The following NDUFS1 variants were observed in gnomAD, a reference collection of about 807,000 sequenced individuals.
NDUFS1 encodes the protein NADH-ubiquinone oxidoreductase 75 kDa subunit, mitochondrial.
NDUFS1 carries 61 observed loss-of-function variants against 84.4 expected under a neutral mutation model. The ratio of observed to expected loss-of-function variants is 0.72; its 90% CI spans 0.59 to 0.89. The LOEUF (loss-of-function observed/expected upper bound fraction) is 0.89, where lower values mean the gene tolerates loss of function less well. NDUFS1 is among the 40% of genes least tolerant of loss of function. The pLI is 0.00. For synonymous variants in NDUFS1, 275 were observed against 290.0 expected, an observed-to-expected ratio of 0.95 and a Z score of 0.53; for missense variants, 891 against 890.0, an observed-to-expected ratio of 1.00 and a Z score of -0.01.
At chr2:206,153,725 C>A (rs777223050) in intron 1 of NDUFS1, 43 bp from the exon 2 acceptor site, 2 of 1,037,256 alleles carry the variant, frequency 1.9e-6, no homozygotes, top group East Asian at 2.4e-5. Flanking sequence ...GGGAAAAAAA[C>A]AATCACCAAC....
rs781249832 is a variant in NDUFS1 at position 206,138,531 on chromosome 2, G to A, written c.1346C>T (p.Pro449Leu). 5.0e-6 allele frequency: 8 copies of A among 1,613,956 alleles called. No homozygotes were observed. In the Admixed American group the frequency reaches 1.3e-4, roughly 27 times the overall value. Residue 449 changes from proline to leucine, a missense_variant, in exon 13 of 19, where the codon CCC becomes CTC. Pro to Leu is a moderately conservative substitution (Grantham distance 98). Coordinates refer to ENST00000233190, the MANE Select transcript of NDUFS1 (RefSeq NM_005006.7). ...TYTYDHLGDS[P>L]KILQDIASGS... ...CGAAGCAATGTCTTGAAGAATTTTG[G>A]GGGAGTCTCCCAGGTGGTCATATGT...
At chr2:206,145,875 G>A (rs964248485) in intron 8 of NDUFS1, among the ~76,000 whole-genome samples, 3 of 152,098 alleles carry the variant, frequency 2.0e-5, no homozygotes, top group Non-Finnish European at 4.4e-5. Flanking sequence ...GGAGGTCATC[G>A]TAGCTGAGGA....
At chr2:206,143,951 C>CCT (rs1553505995) in intron 10 of NDUFS1, 67 bp downstream of exon 10, 20 of 1,296,040 alleles carry the variant, frequency 1.5e-5, no homozygotes, top group African/African-American at 2.9e-5. Flanking sequence ...TACATCCCCC[C>CCT]CTTCATGGCA....
rs1382240568 is a variant in NDUFS1 at position 206,116,271 on chromosome 2, T to C, written c.*7914A>G. 2.0e-6 allele frequency: 2 copies of C among 998,896 alleles called. No homozygotes were observed. The highest frequency in any genetic ancestry group is 3.2e-6 in the Non-Finnish European group (2 of 617,778). 61.9% of individuals were successfully genotyped at this position (998,896 alleles called of 1,614,324 possible). On this transcript the variant is annotated 3_prime_UTR_variant, in exon 19 of 19. Coordinates refer to ENST00000233190, the MANE Select transcript of NDUFS1 (RefSeq NM_005006.7). ...TCTGCAAGAGCTTCATTAATTTCGG[T>C]TACTTCTCCTGATAAAGGAGAATAG... is the stretch of plus-strand genomic sequence containing the variant.
In NDUFS1 at chr2:206,149,884, A is replaced by G. The variant is rs999038863; in HGVS notation, c.195T>C (p.Tyr65=). 6.2e-6 allele frequency: 10 copies of G among 1,603,548 alleles called. No individual in the cohort carries two copies. Among genetic ancestry groups the G allele is most frequent in the African/African-American group, 1.4e-5 (1 of 73,288 alleles). The change falls in exon 4 of 19, where the codon TAT becomes TAC. Residue 65 remains tyrosine, a synonymous_variant. Coordinates refer to ENST00000233190, the MANE Select transcript of NDUFS1 (RefSeq NM_005006.7). ...KVGMQIPRFC[Y]HERLSVAGNC... ...TTCCAGCAACAGACAACCTTTCATG[A>G]TAACAGAATCGAGGGATCTGCATGC...
At chr2:206,144,846 C>T in intron 9 of NDUFS1, 46 bp downstream of exon 9, 1 of 1,575,566 alleles carries the variant, frequency 6.3e-7, no homozygotes, top group Non-Finnish European at 8.7e-7. Context: ...TATAAAATTT[C>T]CTTTAAATAA....
At chr2:206,141,907 TA>T (rs1691975784) in intron 12 of NDUFS1, 33 bp downstream of exon 12, 4 of 1,572,244 alleles carry the variant, frequency 2.5e-6, no homozygotes, top group Non-Finnish European at 3.5e-6. Flanking sequence ...ATTACATAAA[TA>T]TTTTTAAACC....
Position 206,124,078 on chromosome 2 carries a change from T to C in NDUFS1, c.*107A>G, listed in dbSNP as rs1293217903. On this transcript the variant is annotated 3_prime_UTR_variant, in exon 19 of 19. Coordinates refer to ENST00000233190, the MANE Select transcript of NDUFS1 (RefSeq NM_005006.7). ...AGTATAACCTTAAATATTACATGAT[T>C]CAAATTATTATTATTTTTTTTTACA... 1 of 777,156 alleles carries C rather than the reference T, an allele frequency of 1.3e-6. No homozygotes were observed. The highest frequency in any genetic ancestry group is 2.7e-5 in the East Asian group (1 of 37,210). The allele number at this position is 777,156 out of a possible 1,614,324, so 48.1% of individuals were successfully genotyped here. A position where few individuals can be genotyped will look rare whatever the true frequency, so the allele number is the denominator to read the frequency against.
chr2:206,124,192 AT>A lies in NDUFS1; in HGVS notation c.2176del (p.Ile726TyrfsTer20). 1 of 1,607,264 alleles carries A rather than the reference AT, an allele frequency of 6.2e-7. No homozygotes were observed. Among genetic ancestry groups the A allele is most frequent in the Non-Finnish European group, 8.5e-7 (1 of 1,173,764 alleles). On this transcript the variant is annotated frameshift_variant, in exon 19 of 19. Coordinates refer to ENST00000233190, the MANE Select transcript of NDUFS1 (RefSeq NM_005006.7). LOFTEE classifies it high-confidence loss of function. Reference sequence around the variant, plus strand: ...GGGATCCTAGTAGAAGCTTCAGCATATGGATGGTTCCTCTACTGCCTGGGCA... The same window carrying A: ...GGGATCCTAGTAGAAGCTTCAGCATAGGATGGTTCCTCTACTGCCTGGGCA... ...EGAQAVEEPS[I>X]C
At position 206,122,638 on chromosome 2, in the gene NDUFS1, A is replaced by AAAAAAAAAAAC. The variant is rs1691134865; in HGVS notation, c.*1546_*1547insGTTTTTTTTTT. ...GAGTAAGACTCCATCTCAAAAAAAA[A>AAAAAAAAAAAC]AAAAAAACAAAGGGAAAAAGGGCAT... On this transcript the variant is annotated 3_prime_UTR_variant, in exon 19 of 19. Coordinates refer to ENST00000233190, the MANE Select transcript of NDUFS1 (RefSeq NM_005006.7). The AAAAAAAAAAAC allele has an allele frequency of 6.6e-6, 1 of 151,510 alleles. No individual in the cohort carries two copies. The highest frequency in any genetic ancestry group is 2.4e-5 in the African/African-American group (1 of 41,114). The allele number at this position is 151,510 out of a possible 1,614,324, so 9.4% of individuals were successfully genotyped here.
At chr2:206,127,998 C>T (rs557144593) in intron 15 of NDUFS1, 26 bp from the exon 16 acceptor site, 23 of 1,611,988 alleles carry the variant, frequency 1.4e-5, no homozygotes, top group South Asian at 8.8e-5. Flanking sequence ...AAATGGTAAA[C>T]CAAAATTTTA....
intron 2 of NDUFS1, 25 bp from the exon 3 acceptor site, chr2:206,152,535 A>G (rs756820097): frequency 2.5e-6 from 4 of 1,593,738 alleles, no homozygotes; most frequent in Non-Finnish European, 3.4e-6. Context: ...TATTGAAGCG[A>G]AAAACAGATT....
At position 206,121,939 on chromosome 2, in the gene NDUFS1, T is replaced by G. The variant is rs1417788538; in HGVS notation, c.*2246A>C. 1 of 152,212 alleles carries G rather than the reference T, an allele frequency of 6.6e-6. No individual in the cohort carries two copies. The highest frequency in any genetic ancestry group is 6.5e-5 in the Admixed American group (1 of 15,272). The allele number at this position is 152,212 out of a possible 1,614,324, so 9.4% of individuals were successfully genotyped here. A position where few individuals can be genotyped will look rare whatever the true frequency, so the allele number is the denominator to read the frequency against. Reference sequence around the variant, plus strand: ...TATATAAAATACAAAATTGGGACTATGTCCCCTCAAGATGAGCACAGTGCT... The same window carrying G: ...TATATAAAATACAAAATTGGGACTAGGTCCCCTCAAGATGAGCACAGTGCT... On this transcript the variant is annotated 3_prime_UTR_variant, in exon 19 of 19. Coordinates refer to ENST00000233190, the MANE Select transcript of NDUFS1 (RefSeq NM_005006.7).
chr2:206,137,464 G>A (rs1691762994), intron 13 of NDUFS1, among the ~76,000 whole-genome samples: 1 of 151,194 alleles, frequency 6.6e-6, no homozygotes, highest in Non-Finnish European at 1.5e-5. Context: ...GCGAGACTTC[G>A]TCTCCCCGCC....
intron 15 of NDUFS1, among the ~76,000 whole-genome samples, chr2:206,128,358 G>C (rs567027202): frequency 5.3e-5 from 8 of 151,732 alleles, no homozygotes; most frequent in Admixed American, 3.9e-4. Flanking sequence ...GTAGAGACAG[G>C]GTTTCACCGT....
In NDUFS1 at chr2:206,138,487, G is replaced by C. The variant is rs147663258; in HGVS notation, c.1390C>G (p.Gln464Glu). The change falls in exon 13 of 19, where the codon CAG becomes GAG. Residue 464 changes from glutamine to glutamate, a missense_variant and splice_region_variant. Coordinates refer to ENST00000233190, the MANE Select transcript of NDUFS1 (RefSeq NM_005006.7). ...DIASGSHPFSQVLKEAKKPMV... is the reference protein window; with the variant it reads ...DIASGSHPFSEVLKEAKKPMV... ...AGATACACATAAGTTGAGAGCACCT[G>C]GCTAAATGGATGGCTTCCCGAAGCA... is the stretch of plus-strand genomic sequence containing the variant. 4.3e-6 allele frequency: 7 copies of C among 1,613,766 alleles called. No homozygotes were observed. Among genetic ancestry groups the C allele is most frequent in the African/African-American group, 4.0e-5 (3 of 74,922 alleles).
At chr2:206,126,440 A>C (rs1468567389) in intron 18 of NDUFS1, 99 bp downstream of exon 18, 46 of 1,085,410 alleles carry the variant, frequency 4.2e-5, no homozygotes, top group Non-Finnish European at 6.4e-5. Flanking sequence ...AAGAATTGCA[A>C]ACACTATCAA....
chr2:206,149,806 G>A lies in NDUFS1; in HGVS notation c.261+12C>T. ...TTCTACAGCATGGTGTAGAATTTTA[G>A]GTATCAAGTACCTTAGGGGCTTTCT... On this transcript the variant is annotated intron_variant, in intron 4 of 18. Coordinates refer to ENST00000233190, the MANE Select transcript of NDUFS1 (RefSeq NM_005006.7). 6.3e-7 allele frequency: 1 copy of A among 1,588,142 alleles called. No homozygotes were observed. Among genetic ancestry groups the A allele is most frequent in the African/African-American group, 1.3e-5 (1 of 74,364 alleles).
rs983642780 is a variant in NDUFS1, at chr2:206,129,971, G to A, written c.1708+117C>T. ...GTTTAAAAAAAAAGGAGGAGGAGTG[G>A]GGGAGGCAAAATTCTCAAATGGAAA... On this transcript the variant is annotated intron_variant, in intron 15 of 18. Coordinates refer to ENST00000233190, the MANE Select transcript of NDUFS1 (RefSeq NM_005006.7). 1.4e-5 allele frequency: 17 copies of A among 1,199,532 alleles called. No individual in the cohort carries two copies. In the Admixed American group the frequency reaches 2.8e-4, roughly 20 times the overall value. The allele number at this position is 1,199,532 out of a possible 1,614,324, so 74.3% of individuals were successfully genotyped here. A position where few individuals can be genotyped will look rare whatever the true frequency, so the allele number is the denominator to read the frequency against.
Sources: allele counts gnomAD v4.1 joint callset (sites outside exome capture counted in the v4.1 genomes callset), GRCh38; gene constraint gnomAD v4.1.1; transcripts MANE v1.5; gene names NCBI Gene and HGNC (gene_info 2026-07-23, HGNC 2026-07-21).